The following PNOC variants were observed in gnomAD, a reference collection of about 807,000 sequenced individuals.
The protein encoded by PNOC is nociceptin.
PNOC carries 10 observed loss-of-function variants against 15.6 expected under a neutral mutation model. The observed-to-expected ratio is 0.64, with a 90% CI of 0.40 to 1.09. The LOEUF (loss-of-function observed/expected upper bound fraction) is 1.09. Among genes scored for constraint, PNOC ranks in the 50% least tolerant of loss-of-function variants. The pLI is 0.01. For synonymous variants in PNOC, 98 were observed against 88.5 expected (o/e 1.11, Z -0.60); for missense variants, 220 against 223.9 (o/e 0.98, Z 0.11).
intron 2 of PNOC, chr8:28,338,551 T>C: frequency 1.1e-5 from 11 of 977,914 alleles, no homozygotes; most frequent in Non-Finnish European, 1.3e-5. Context: ...TAGGTAGATC[T>C]TTACATGGTG....
At chr8:28,341,573 C>T (rs962436958) in intron 3 of PNOC, among the ~76,000 whole-genome samples, 5 of 152,178 alleles carry the variant, frequency 3.3e-5, no homozygotes, top group Admixed American at 1.3e-4. Flanking sequence ...GGCCCATTAA[C>T]AGGAATCCAT....
At chr8:28,326,256 G>A (rs1202770987) in intron 1 of PNOC, among the ~76,000 whole-genome samples, 6 of 152,088 alleles carry the variant, frequency 3.9e-5, no homozygotes, top group Non-Finnish European at 8.8e-5. Context: ...GGAGGCTGAG[G>A]TGGGAGGATT....
At chr8:28,323,444 G>A (rs1801177907) in intron 1 of PNOC, among the ~76,000 whole-genome samples, 1 of 152,198 alleles carries the variant, frequency 6.6e-6, no homozygotes, top group African/African-American at 2.4e-5. Context: ...GCAACAACCT[G>A]TCACTATTCC....
chr8:28,342,083 G>T (rs1280243614), intron 3 of PNOC, among the ~76,000 whole-genome samples: 1 of 152,206 alleles, frequency 6.6e-6, no homozygotes, highest in East Asian at 1.9e-4. Context: ...GGTAGCTCAT[G>T]CCTATAATCC....
intron 2 of PNOC, among the ~76,000 whole-genome samples, chr8:28,330,401 T>TTTTATTTTTTTTTTTTTTTTTA (rs1554517541): frequency 2.4e-5 from 1 of 41,676 alleles, no homozygotes; most frequent in Non-Finnish European, 7.1e-5. Flanking sequence ...ATTTTATTTT[T>TTTTATTTTTTTTTTTTTTTTTA]TTTTTTTTTT....
chr8:28,327,087 C>T (rs1175451698), intron 1 of PNOC, among the ~76,000 whole-genome samples: 1 of 152,206 alleles, frequency 6.6e-6, no homozygotes, highest in African/African-American at 2.4e-5. Context: ...CAGTGAAATG[C>T]ACAGAATGTA....
intron 2 of PNOC, among the ~76,000 whole-genome samples, chr8:28,333,880 A>C (rs1801369646): frequency 6.6e-6 from 1 of 152,114 alleles, no homozygotes; most frequent in African/African-American, 2.4e-5. Context: ...CTACCCTTCT[A>C]TGACTTTCCC....
chr8:28,333,789 A>T (rs351776), intron 2 of PNOC, among the ~76,000 whole-genome samples: 1 of 151,912 alleles, frequency 6.6e-6, no homozygotes, highest in Non-Finnish European at 1.5e-5. Context: ...CGGAGCAGAA[A>T]AATTCAACAA....
intron 2 of PNOC, among the ~76,000 whole-genome samples, chr8:28,331,691 A>C (rs1190463756): frequency 6.6e-6 from 1 of 152,138 alleles, no homozygotes; most frequent in African/African-American, 2.4e-5. Context: ...TCCCAGTCGC[A>C]CTTCAAATCC....
intron 3 of PNOC, among the ~76,000 whole-genome samples, chr8:28,340,949 AT>A: frequency 2.6e-5 from 4 of 152,346 alleles, no homozygotes; most frequent in Non-Finnish European, 4.4e-5. Flanking sequence ...TCAACATGAA[AT>A]TGGAAGAGGA....
chr8:28,322,173 G>C (rs968613859), intron 1 of PNOC, among the ~76,000 whole-genome samples: 13 of 152,040 alleles, frequency 8.6e-5, no homozygotes. Context: ...AGGATCATTC[G>C]AGGTCAGGAG....
chr8:28,329,258 C>A lies in PNOC; in HGVS notation c.101C>A (p.Pro34Gln), dbSNP rs776188984. 4 of 1,613,754 alleles carry A rather than the reference C, an allele frequency of 2.5e-6. No individual in the cohort carries two copies. Among genetic ancestry groups the A allele is most frequent in the Non-Finnish European group, 3.4e-6 (4 of 1,180,048 alleles). Reference sequence around the variant, plus strand: ...CTCACATGCCAGGAGAAGCTCCACCCAGCCCTGGACAGCTTCGACCTGGAG... The same window carrying A: ...CTCACATGCCAGGAGAAGCTCCACCAAGCCCTGGACAGCTTCGACCTGGAG... ...DCLTCQEKLH[P>Q]ALDSFDLEVC... The change falls in exon 2 of 4, where the codon CCA (proline) becomes CAA (glutamine). Residue 34 changes from proline (P) to glutamine (Q), a missense_variant. Transcript: ENST00000301908.
At position 28,320,694 on chromosome 8, in the gene PNOC, CA is replaced by C. The variant is rs554217692; in HGVS notation, c.-24+3385del. ...TGAAACCCCGTCTCTACTAAAAATACAAAAAAATTCTCTGGGCGTGGCGGTG... is the reference window on the plus strand; with the variant it reads ...TGAAACCCCGTCTCTACTAAAAATACAAAAAATTCTCTGGGCGTGGCGGTG... On this transcript the variant is annotated intron_variant, in intron 1 of 3. Transcript: ENST00000301908. 6.6e-5 allele frequency among the ~76,000 whole-genome samples: 10 copies of C among 151,610 alleles called. No individual in the cohort carries two copies. In the East Asian group the frequency reaches 1.8e-3, roughly 27 times the overall value.
chr8:28,329,148 C>T lies in PNOC; in HGVS notation c.-10C>T. ...TGTATGTTCCAGCACCTGCTTCCTG[C>T]TCCTGCACCATGAAAGTCCTGCTTT... On this transcript the variant is annotated 5_prime_UTR_variant, in exon 2 of 4. Coordinates refer to ENST00000301908, the MANE Select transcript of PNOC (RefSeq NM_006228.5). 1 of 1,613,364 alleles carries T rather than the reference C, an allele frequency of 6.2e-7. No individual in the cohort carries two copies. The highest frequency in any genetic ancestry group is 1.1e-5 in the South Asian group (1 of 91,080).
chr8:28,328,893 A>T (rs1180228795), intron 1 of PNOC, among the ~76,000 whole-genome samples: 1 of 152,076 alleles, frequency 6.6e-6, no homozygotes, highest in African/African-American at 2.4e-5. Flanking sequence ...GCCACCCAGG[A>T]CTAACCCAGG....
chr8:28,343,022 C>A lies in PNOC; in HGVS notation c.*128C>A. 5 of 984,926 alleles carry A rather than the reference C, an allele frequency of 5.1e-6. No individual in the cohort carries two copies. The highest frequency in any genetic ancestry group is 6.0e-6 in the Non-Finnish European group (5 of 829,366). 61.0% of individuals were successfully genotyped at this position (984,926 alleles called of 1,614,324 possible). On this transcript the variant is annotated 3_prime_UTR_variant, in exon 4 of 4. Transcript: ENST00000301908. ...AATCAGGATTCCTTCTTCCCCAAGG[C>A]ACTGAGCGCCTGCAGATCCCGCAGG...
chr8:28,327,672 T>C (rs1489082092), intron 1 of PNOC, among the ~76,000 whole-genome samples: 1 of 151,042 alleles, frequency 6.6e-6, no homozygotes, highest in Non-Finnish European at 1.5e-5. Flanking sequence ...GTTCAAGCAA[T>C]TTCTGGCTAA....
chr8:28,339,110 C>A lies in PNOC; in HGVS notation c.197C>A (p.Ala66Asp), dbSNP rs990566263. ...PLWTPCTKVM[A>D]RSSWQLSPAA... ...TGGACTCCATGCACCAAGGTCATGG[C>A]CAGGAGCTCTTGGCAGCTCAGCCCT... The change falls in exon 3 of 4, where the codon GCC becomes GAC. Residue 66 changes from alanine to aspartate, a missense_variant. Ala to Asp is a moderately radical substitution (Grantham distance 126, BLOSUM62 -2). Transcript: ENST00000301908. 1 of 1,610,002 alleles carries A rather than the reference C, an allele frequency of 6.2e-7. No homozygotes were observed. Among genetic ancestry groups the A allele is most frequent in the Non-Finnish European group, 8.5e-7 (1 of 1,176,542 alleles).
At chr8:28,326,284 C>A (rs1201917619) in intron 1 of PNOC, among the ~76,000 whole-genome samples, 1 of 151,868 alleles carries the variant, frequency 6.6e-6, no homozygotes, top group Non-Finnish European at 1.5e-5. Context: ...CCCAGGAGTT[C>A]AACGCTTCAG....
Sources: allele counts gnomAD v4.1 joint callset (sites outside exome capture counted in the v4.1 genomes callset), GRCh38; gene constraint gnomAD v4.1.1; transcripts MANE v1.5; gene names NCBI Gene and HGNC (gene_info 2026-07-23, HGNC 2026-07-21).